CACNA1E: variants seen among roughly 807,000 people sequenced by gnomAD.
CACNA1E encodes the protein calcium voltage-gated channel subunit alpha1 E, also known as voltage-dependent R-type calcium channel subunit alpha-1E.
A neutral mutation model predicts 259.2 loss-of-function variants in CACNA1E; 40 were observed. That is an observed-to-expected ratio of 0.15 (90% confidence interval 0.12 to 0.20). CACNA1E has a LOEUF of 0.20. Ranked by LOEUF, CACNA1E falls within the 10% of genes least tolerant of loss-of-function variation. CACNA1E has a pLI of 1.00. For missense variants in CACNA1E, 1,874 were observed against 3,040.1 expected, an observed-to-expected ratio of 0.62 and a Z score of 9.02; for synonymous variants, 1,104 against 1,138.5, an observed-to-expected ratio of 0.97 and a Z score of 0.61.
At chr1:181,719,079 C>T (rs775426837) in intron 12 of CACNA1E, among the ~76,000 whole-genome samples, 3 of 152,240 alleles carry the variant, frequency 2.0e-5, no homozygotes, top group Non-Finnish European at 2.9e-5. Flanking sequence ...GGCATAACAG[C>T]TAGTGAGAGA....
intron 6 of CACNA1E, among the ~76,000 whole-genome samples, chr1:181,644,139 C>G (rs1658051021): frequency 6.6e-6 from 1 of 152,134 alleles, no homozygotes; most frequent in Non-Finnish European, 1.5e-5. Context: ...CTGTAAGATC[C>G]TAGTGGTGAC....
intron 2 of CACNA1E, among the ~76,000 whole-genome samples, chr1:181,428,706 A>C (rs555767173): frequency 1.3e-5 from 2 of 152,188 alleles, no homozygotes; most frequent in East Asian, 3.9e-4. Flanking sequence ...TGTCTCAGGG[A>C]GGTGCCTGCT....
chr1:181,403,115 T>A (rs894620632), intron 1 of CACNA1E, among the ~76,000 whole-genome samples: 1 of 152,182 alleles, frequency 6.6e-6, no homozygotes, highest in Non-Finnish European at 1.5e-5. Flanking sequence ...CTCTTCCGTT[T>A]AATGACTGTG....
chr1:181,379,835 C>T (rs146240210), intron 1 of CACNA1E, among the ~76,000 whole-genome samples: 5 of 151,836 alleles, frequency 3.3e-5, no homozygotes, highest in African/African-American at 4.8e-5. Context: ...TCTTAAAAGC[C>T]GCCAGAGAAA....
At chr1:181,604,087 T>G (rs2103077009) in intron 6 of CACNA1E, among the ~76,000 whole-genome samples, 1 of 152,306 alleles carries the variant, frequency 6.6e-6, no homozygotes, top group African/African-American at 2.4e-5. Flanking sequence ...TTCTTGTGTT[T>G]GCTGCACCCA....
chr1:181,714,296 A>G (rs759850490), intron 8 of CACNA1E, among the ~76,000 whole-genome samples: 8 of 152,138 alleles, frequency 5.3e-5, no homozygotes, highest in African/African-American at 9.7e-5. Context: ...GATACAACTC[A>G]GGAACAGCCC....
chr1:181,720,736 G>T, intron 14 of CACNA1E, 47 bp from the exon 15 acceptor site: 1 of 1,092,430 alleles, frequency 9.2e-7, no homozygotes. Context: ...GGAAAACTTG[G>T]TATGTGAGAT....
At chr1:181,648,831 A>G (rs943858692) in intron 6 of CACNA1E, among the ~76,000 whole-genome samples, 1 of 152,212 alleles carries the variant, frequency 6.6e-6, no homozygotes, top group Non-Finnish European at 1.5e-5. Flanking sequence ...GTTTGTTGGC[A>G]ACAAAGTCCT....
chr1:181,804,940 C>T lies in CACNA1E; in HGVS notation c.*6106C>T, dbSNP rs1420822710. The T allele has an allele frequency of 6.7e-6, 1 of 149,076 alleles. No individual in the cohort carries two copies. Among genetic ancestry groups the T allele is most frequent in the South Asian group, 2.1e-4 (1 of 4,724 alleles). The allele number at this position is 149,076 out of a possible 1,614,324, so 9.2% of individuals were successfully genotyped here. Reference sequence around the variant, plus strand: ...CTCTCTAATTAAAAAAAAAAAAAACCTAGGCTTTTTTTTTTCTATCCAGAA... The same window carrying T: ...CTCTCTAATTAAAAAAAAAAAAAACTTAGGCTTTTTTTTTTCTATCCAGAA... On this transcript the variant is annotated 3_prime_UTR_variant, in exon 48 of 48. Transcript: ENST00000367573.
intron 6 of CACNA1E, among the ~76,000 whole-genome samples, chr1:181,626,724 TA>T (rs1656236922): frequency 6.6e-6 from 1 of 152,250 alleles, no homozygotes; most frequent in Non-Finnish European, 1.5e-5. Flanking sequence ...AGTAAAGCTC[TA>T]TGAATTTATG....
At chr1:181,463,750 T>C (rs1193528429) in intron 2 of CACNA1E, among the ~76,000 whole-genome samples, 1 of 152,100 alleles carries the variant, frequency 6.6e-6, no homozygotes, top group Non-Finnish European at 1.5e-5. Flanking sequence ...CCACATGACT[T>C]GTCTTTTTCA....
chr1:181,333,815 C>G (rs1473853520), intron 1 of CACNA1E, among the ~76,000 whole-genome samples: 1 of 152,060 alleles, frequency 6.6e-6, no homozygotes. Context: ...ACCACCACGC[C>G]CGGCTAATTT....
At chr1:181,660,110 A>C (rs930063695) in intron 7 of CACNA1E, among the ~76,000 whole-genome samples, 4 of 152,244 alleles carry the variant, frequency 2.6e-5, no homozygotes, top group African/African-American at 9.6e-5. Flanking sequence ...ACCCACTGTC[A>C]AGGTCCTGCT....
At chr1:181,646,235 TC>T (rs1658251599) in intron 6 of CACNA1E, among the ~76,000 whole-genome samples, 1 of 152,202 alleles carries the variant, frequency 6.6e-6, no homozygotes, top group Admixed American at 6.5e-5. Context: ...AGTAATCTTG[TC>T]CCCCAGAACA....
At chr1:181,389,163 C>T (rs1274099445) in intron 1 of CACNA1E, among the ~76,000 whole-genome samples, 3 of 151,704 alleles carry the variant, frequency 2.0e-5, no homozygotes, top group Non-Finnish European at 4.4e-5. Flanking sequence ...GCTTACGTAA[C>T]GTGTATTTTC....
rs115579676 is a variant in CACNA1E, at chr1:181,428,473, G to A, written c.434+14893G>A. On this transcript the variant is annotated intron_variant, in intron 2 of 11. Transcript: ENST00000524607. ...GCCTTTCTGGGTGGGGTGGAGGGGC[G>A]CTTGCAAGAGGCTTGTGAATTCAGA... 4.7e-3 allele frequency among the ~76,000 whole-genome samples: 710 copies of A among 152,242 alleles called. 2 individuals are homozygous for A. Among genetic ancestry groups the A allele is most frequent in the African/African-American group, 0.014 (597 of 41,530 alleles).
intron 1 of CACNA1E, among the ~76,000 whole-genome samples, chr1:181,335,733 T>G (rs1248433050): frequency 6.6e-6 from 1 of 152,240 alleles, no homozygotes; most frequent in African/African-American, 2.4e-5. Context: ...AAATCATGTC[T>G]GTAATTTTGA....
intron 1 of CACNA1E, among the ~76,000 whole-genome samples, chr1:181,392,701 A>G (rs1190974620): frequency 6.6e-6 from 1 of 152,200 alleles, no homozygotes; most frequent in Non-Finnish European, 1.5e-5. Context: ...CAGAACCCCA[A>G]AAGGGTGCTT....
intron 7 of CACNA1E, among the ~76,000 whole-genome samples, chr1:181,656,547 ATAAGG>A (rs1183840468): frequency 6.6e-6 from 1 of 152,234 alleles, no homozygotes; most frequent in Non-Finnish European, 1.5e-5. Flanking sequence ...TTCTAAGTTT[ATAAGG>A]TAAAGTTACA....
Sources: gnomAD v4.1 joint callset for allele counts (sites outside exome capture counted in the v4.1 genomes callset) on GRCh38, gnomAD v4.1.1 for gene constraint, MANE v1.5 for transcripts, NCBI Gene and HGNC (gene_info 2026-07-23, HGNC 2026-07-21) for gene names.